MMRN1: variants seen among roughly 807,000 people sequenced by gnomAD.
The protein encoded by MMRN1 is multimerin 1, also known as multimerin-1.
MMRN1 carries 94 observed loss-of-function variants against 100.7 expected under a neutral mutation model. That is an observed-to-expected ratio of 0.93 (90% CI 0.79 to 1.11). The LOEUF (loss-of-function observed/expected upper bound fraction) is 1.11. Ranked by LOEUF, MMRN1 falls within the 50% of genes least tolerant of loss-of-function variation. The pLI is 0.00. For synonymous variants in MMRN1, 575 were observed against 505.0 expected (o/e 1.14, Z -1.86); for missense variants, 1,606 against 1,439.1 (o/e 1.12, Z -1.88).
chr4:89,909,490 A>G (rs1419588333), intron 2 of MMRN1, 95 bp downstream of exon 2: 5 of 1,452,960 alleles, frequency 3.4e-6, no homozygotes, highest in Middle Eastern at 1.9e-4. Flanking sequence ...TACATAATAC[A>G]TAGTAGGGTC....
At chr4:89,916,427 C>G (rs978785698) in intron 3 of MMRN1, among the ~76,000 whole-genome samples, 1 of 149,688 alleles carries the variant, frequency 6.7e-6, no homozygotes. Flanking sequence ...AAATGGGAAA[C>G]TTTATGAACA....
At chr4:89,919,253 A>G (rs2110609120) in intron 3 of MMRN1, among the ~76,000 whole-genome samples, 1 of 151,490 alleles carries the variant, frequency 6.6e-6, no homozygotes, top group South Asian at 2.1e-4. Context: ...TATTAACATT[A>G]TCGGATAAAG....
At chr4:89,885,113 A>T (rs1720907807) in intron 1 of MMRN1, among the ~76,000 whole-genome samples, 1 of 151,684 alleles carries the variant, frequency 6.6e-6, no homozygotes, top group Middle Eastern at 3.4e-3. Context: ...ATATACATAC[A>T]TTTCCTTCCC....
intron 5 of MMRN1, among the ~76,000 whole-genome samples, chr4:89,930,568 A>G (rs1722404045): frequency 6.6e-6 from 1 of 152,122 alleles, no homozygotes. Flanking sequence ...CTGTAAGATT[A>G]TAAATTTAAA....
chr4:89,884,565 A>C (rs76687951), intron 1 of MMRN1, among the ~76,000 whole-genome samples: 2,953 of 152,184 alleles, frequency 0.019, 84 homozygotes, highest in African/African-American at 0.068. Context: ...ATTCACTAAT[A>C]GTGAATTATT....
intron 1 of MMRN1, among the ~76,000 whole-genome samples, chr4:89,899,040 GA>G (rs573298453): frequency 6.6e-6 from 1 of 151,896 alleles, no homozygotes; most frequent in Non-Finnish European, 1.5e-5. Context: ...ATTTGTTTAT[GA>G]AAAAAACCTG....
intron 1 of MMRN1, among the ~76,000 whole-genome samples, chr4:89,886,940 C>G (rs1056708622): frequency 2.0e-5 from 3 of 152,018 alleles, no homozygotes; most frequent in African/African-American, 7.2e-5. Context: ...TGCTACTGAA[C>G]CTTATATCTT....
intron 6 of MMRN1, among the ~76,000 whole-genome samples, chr4:89,943,731 T>G (rs1008547722): frequency 6.6e-6 from 1 of 152,198 alleles, no homozygotes; most frequent in African/African-American, 2.4e-5. Flanking sequence ...GGCTCACCAC[T>G]GTAATCCCAA....
chr4:89,916,617 GA>G (rs1297383442), intron 3 of MMRN1, among the ~76,000 whole-genome samples: 2 of 151,342 alleles, frequency 1.3e-5, no homozygotes, highest in Admixed American at 1.3e-4. Flanking sequence ...TAGTGTGCAG[GA>G]AAACTAGATT....
intron 3 of MMRN1, among the ~76,000 whole-genome samples, chr4:89,916,829 A>G (rs12644375): frequency 0.14 from 21,558 of 151,674 alleles, 2,237 homozygotes; most frequent in East Asian, 0.3. Flanking sequence ...TAATGGAATA[A>G]CATTTTCCAA....
chr4:89,894,064 T>G (rs898177897), upstream of MMRN1, among the ~76,000 whole-genome samples: 1 of 152,154 alleles, frequency 6.6e-6, no homozygotes, highest in Non-Finnish European at 1.5e-5. Context: ...CCATTTTAAT[T>G]TATTTTTATG....
chr4:89,912,172 G>A lies in MMRN1; in HGVS notation c.850+122G>A. 5.4e-6 allele frequency: 3 copies of A among 559,416 alleles called. No individual in the cohort carries two copies. The East Asian group carries it at 1.1e-4, about 20-fold the overall frequency. The allele number at this position is 559,416 out of a possible 1,614,324, so 34.7% of individuals were successfully genotyped here. ...AACATGTAGCCAAACTCCTAGGACT[G>A]TTATACTTTCTAAGCTTTCTAACTT... On this transcript the variant is annotated intron_variant, in intron 3 of 7. Coordinates refer to ENST00000264790, the MANE Select transcript of MMRN1 (RefSeq NM_007351.3).
At chr4:89,922,841 G>A (rs971422586) in intron 3 of MMRN1, among the ~76,000 whole-genome samples, 11 of 152,042 alleles carry the variant, frequency 7.2e-5, no homozygotes, top group Admixed American at 4.6e-4. Flanking sequence ...TTAACACAGC[G>A]GATTTAAAAA....
Position 89,935,631 on chromosome 4 carries a change from C to T in MMRN1, c.1951C>T (p.Pro651Ser), listed in dbSNP as rs766519907. 22 of 1,613,388 alleles carry T rather than the reference C, an allele frequency of 1.4e-5. 1 individual carries two copies. Among genetic ancestry groups the T allele is most frequent in the Non-Finnish European group, 1.7e-5 (20 of 1,179,738 alleles). Reference sequence around the variant, plus strand: ...GACTTATGATATGGAGATCCTTCAACCCTTGCTTGAGCAGGGAGCATCACT... The same window carrying T: ...GACTTATGATATGGAGATCCTTCAATCCTTGCTTGAGCAGGGAGCATCACT... The part of the protein sequence containing the change: ...DLTYDMEILQ[P>S]LLEQGASLRQ... The change falls in exon 6 of 8, where the codon CCC (proline) becomes TCC (serine). Residue 651 changes from proline to serine, a missense_variant. Coordinates refer to ENST00000264790, the MANE Select transcript of MMRN1 (RefSeq NM_007351.3).
Position 89,909,929 on chromosome 4 carries a change from T to C in MMRN1, c.743+534T>C, listed in dbSNP as rs1444856373. Among the ~76,000 whole-genome samples the C allele has an allele frequency of 2.0e-5, 3 of 151,418 alleles. No homozygotes were observed. The South Asian group carries it at 6.2e-4, about 31-fold the overall frequency. ...ATTTGATTATCATTTTTTAAAAAAGTCTATGCTGTTGTCCTAAAAGATGGG... is the reference window on the plus strand; with the variant it reads ...ATTTGATTATCATTTTTTAAAAAAGCCTATGCTGTTGTCCTAAAAGATGGG... On this transcript the variant is annotated intron_variant, in intron 2 of 7. Transcript: ENST00000264790.
chr4:89,927,797 G>A lies in MMRN1; in HGVS notation c.958G>A (p.Val320Met), dbSNP rs1201142518. 2 of 1,609,846 alleles carry A rather than the reference G, an allele frequency of 1.2e-6. No individual in the cohort carries two copies. The highest frequency in any genetic ancestry group is 1.7e-6 in the Non-Finnish European group (2 of 1,178,350). Residue 320 changes from valine (V) to methionine (M), a missense_variant and splice_region_variant, in exon 5 of 8, where the codon GTG becomes ATG. Coordinates refer to ENST00000264790, the MANE Select transcript of MMRN1 (RefSeq NM_007351.3). The stretch of plus-strand genomic sequence containing the variant: ...TCAATTTTCTCTTCTATATGCAGAA[G>A]TGATGCAAAAAATGACTGATCAGGT... ...QQQQGCGDPE[V>M]MQKMTDQVNY... is the part of the protein sequence containing the mutation.
chr4:89,936,253 T>C lies in MMRN1; in HGVS notation c.2573T>C (p.Phe858Ser). The change falls in exon 6 of 8, where the codon TTT becomes TCT. Residue 858 changes from phenylalanine to serine, a missense_variant. Physicochemically the swap from Phe to Ser is radical, Grantham distance 155. Coordinates refer to ENST00000264790, the MANE Select transcript of MMRN1 (RefSeq NM_007351.3). ...LLLTTKISKN[F>S]ETRLQDIESK... ...TTAACTACCAAGATTTCCAAAAATT[T>C]TGAGACTCGGTTGCAAGACATTGAG... is the stretch of plus-strand genomic sequence containing the variant. 1 of 1,603,420 alleles carries C rather than the reference T, an allele frequency of 6.2e-7. No individual in the cohort carries two copies. Among genetic ancestry groups the C allele is most frequent in the Non-Finnish European group, 8.5e-7 (1 of 1,177,218 alleles).
Position 89,953,295 on chromosome 4 carries a change from T to C in MMRN1, c.3564T>C (p.Thr1188=), listed in dbSNP as rs1433578553. 1.9e-6 allele frequency: 3 copies of C among 1,613,798 alleles called. No individual in the cohort carries two copies. Among genetic ancestry groups the C allele is most frequent in the African/African-American group, 1.3e-5 (1 of 74,932 alleles). Residue 1188 remains threonine (T), a synonymous_variant, in exon 8 of 8, where the codon ACT becomes ACC. Transcript: ENST00000264790. ...NSEIHCDRVL[T]GDALLELNYG... ...AAATACACTGTGATAGGGTTTTAAC[T>C]GGGGATGCCTTATTAGAATTAAATT...
chr4:89,895,804 C>G (rs779390462), intron 1 of MMRN1, among the ~76,000 whole-genome samples: 9 of 152,040 alleles, frequency 5.9e-5, no homozygotes, highest in South Asian at 4.1e-4. Flanking sequence ...TTTGTTTTAA[C>G]TGAAATAATC....
Sources: gnomAD v4.1 joint callset for allele counts (sites outside exome capture counted in the v4.1 genomes callset) on GRCh38, gnomAD v4.1.1 for gene constraint, MANE v1.5 for transcripts, NCBI Gene and HGNC (gene_info 2026-07-23, HGNC 2026-07-21) for gene names.